ACTR3: variants seen among roughly 807,000 people sequenced by gnomAD.
ACTR3 encodes actin related protein 3.
In ACTR3, 12 loss-of-function variants were observed where a neutral mutation model predicts 56.8. The observed-to-expected ratio is 0.21, with a 90% CI of 0.14 to 0.34. ACTR3 has a LOEUF of 0.34. Among genes scored for constraint, ACTR3 ranks in the 10% least tolerant of loss-of-function variants. The pLI is 1.00. For synonymous variants in ACTR3, 162 were observed against 167.4 expected (o/e 0.97, Z 0.25); for missense variants, 282 against 512.5 (o/e 0.55, Z 4.34).
rs528144726 is a variant in ACTR3 at position 113,924,641 on chromosome 2, C to G, written c.226-2704C>G. Among the ~76,000 whole-genome samples the G allele has an allele frequency of 2.0e-5, 3 of 152,258 alleles. No homozygotes were observed. In the South Asian group the frequency reaches 6.2e-4, roughly 32 times the overall value. ...TTTGATCTAGAACTGGTATATCTCTCTACGCACCTTCAAATCTTTTGGCAC... is the reference window on the plus strand; with the variant it reads ...TTTGATCTAGAACTGGTATATCTCTGTACGCACCTTCAAATCTTTTGGCAC... On this transcript the variant is annotated intron_variant, in intron 3 of 11. Transcript: ENST00000263238.
intron 1 of ACTR3, among the ~76,000 whole-genome samples, chr2:113,892,168 T>C (rs1456176646): frequency 6.6e-6 from 1 of 152,230 alleles, no homozygotes; most frequent in African/African-American, 2.4e-5. Flanking sequence ...TTCGAATTAG[T>C]ATACAAGATG....
chr2:113,915,982 A>G (rs1343193811), intron 2 of ACTR3, among the ~76,000 whole-genome samples: 1 of 152,202 alleles, frequency 6.6e-6, no homozygotes, highest in Admixed American at 6.5e-5. Context: ...TTTTTTATAT[A>G]CATGCATATT....
chr2:113,926,546 C>T (rs1248773784), intron 3 of ACTR3, among the ~76,000 whole-genome samples: 12 of 152,168 alleles, frequency 7.9e-5, no homozygotes, highest in African/African-American at 2.4e-5. Flanking sequence ...CACATCTGAT[C>T]AACCTCTGGT....
chr2:113,903,791 G>T (rs1433889773), intron 1 of ACTR3, among the ~76,000 whole-genome samples: 2 of 151,708 alleles, frequency 1.3e-5, no homozygotes, highest in Non-Finnish European at 2.9e-5. Context: ...ACCCCGTCTG[G>T]CCTGTCACTA....
At chr2:113,891,446 A>G (rs1272191131) in intron 1 of ACTR3, among the ~76,000 whole-genome samples, 1 of 151,896 alleles carries the variant, frequency 6.6e-6, no homozygotes, top group Non-Finnish European at 1.5e-5. Flanking sequence ...TACCACACTC[A>G]TAACTGCATA....
At chr2:113,915,821 G>C (rs920080022) in intron 2 of ACTR3, among the ~76,000 whole-genome samples, 2 of 152,074 alleles carry the variant, frequency 1.3e-5, no homozygotes, top group African/African-American at 4.8e-5. Context: ...GCTGTAAGAA[G>C]GTTTTTGATT....
At chr2:113,890,581 C>G (rs1442205669) in intron 1 of ACTR3, 3 of 1,359,466 alleles carry the variant, frequency 2.2e-6, no homozygotes, top group Admixed American at 3.5e-5. Flanking sequence ...CGCGCGACCC[C>G]TCCCGGCCCT....
chr2:113,957,466 A>T lies in ACTR3; in HGVS notation c.*11A>T, dbSNP rs186497754. The T allele has an allele frequency of 6.2e-7, 1 of 1,607,700 alleles. No homozygotes were observed. The highest frequency in any genetic ancestry group is 1.7e-5 in the Admixed American group (1 of 59,926). ...GGAGTCATGTCGTAAAATTGGCTTC[A>T]TAGTTATTGGGGTTAGGGAGGTGGG... is the stretch of plus-strand genomic sequence containing the variant. On this transcript the variant is annotated 3_prime_UTR_variant, in exon 12 of 12. Transcript: ENST00000263238.
At chr2:113,942,428 G>A (rs1260516497) in intron 8 of ACTR3, 69 bp downstream of exon 8, 1 of 1,089,080 alleles carries the variant, frequency 9.2e-7, no homozygotes. Flanking sequence ...TATTCAGAGA[G>A]AATTAATCTC....
chr2:113,893,420 A>G (rs1341439940), intron 1 of ACTR3, among the ~76,000 whole-genome samples: 1 of 151,942 alleles, frequency 6.6e-6, no homozygotes, highest in Admixed American at 6.5e-5. Context: ...CAGCCTCCCG[A>G]GTAGCTGGGA....
chr2:113,953,112 A>G (rs1402799066), intron 10 of ACTR3: 2 of 152,212 alleles, frequency 1.3e-5, no homozygotes, highest in African/African-American at 4.8e-5. Flanking sequence ...TTAGTTTTTA[A>G]TAACTCATTA....
intron 3 of ACTR3, among the ~76,000 whole-genome samples, chr2:113,920,069 A>G (rs1383427999): frequency 2.0e-5 from 3 of 152,116 alleles, no homozygotes; most frequent in East Asian, 3.9e-4. Context: ...GATTACAGGC[A>G]TGTGCCACCA....
In ACTR3 at chr2:113,890,210, C is replaced by T. The variant is rs556667500; in HGVS notation, c.-70C>T. 2 of 1,547,022 alleles carry T rather than the reference C, an allele frequency of 1.3e-6. No homozygotes were observed. Among genetic ancestry groups the T allele is most frequent in the Non-Finnish European group, 1.7e-6 (2 of 1,142,978 alleles). ...GGATGGTCAGATAGCCCTTGTCTCC[C>T]GCCGCCAATCTCTGGCCCCTAGCAG... On this transcript the variant is annotated 5_prime_UTR_variant, in exon 1 of 12. Coordinates refer to ENST00000263238, the MANE Select transcript of ACTR3 (RefSeq NM_005721.5).
chr2:113,946,575 T>C (rs1282555426), intron 8 of ACTR3, among the ~76,000 whole-genome samples: 1 of 152,186 alleles, frequency 6.6e-6, no homozygotes, highest in Non-Finnish European at 1.5e-5. Flanking sequence ...TGTATATTTA[T>C]TTAAGTTCCT....
intron 7 of ACTR3, among the ~76,000 whole-genome samples, chr2:113,941,638 G>T (rs894417308): frequency 6.6e-5 from 10 of 152,062 alleles, no homozygotes; most frequent in African/African-American, 2.2e-4. Context: ...ATTTTTCAGT[G>T]TTTTTGATGA....
At chr2:113,897,074 A>G (rs1298625619) in intron 1 of ACTR3, among the ~76,000 whole-genome samples, 1 of 152,200 alleles carries the variant, frequency 6.6e-6, no homozygotes, top group African/African-American at 2.4e-5. Flanking sequence ...TTATGACACA[A>G]CCATAATCAG....
chr2:113,893,656 C>T (rs1031872104), intron 1 of ACTR3, among the ~76,000 whole-genome samples: 8 of 152,256 alleles, frequency 5.3e-5, no homozygotes, highest in Admixed American at 3.9e-4. Context: ...CAAATGAGGG[C>T]GCTCCTTATT....
Position 113,959,583 on chromosome 2 carries a change from C to T in ACTR3, c.*2128C>T, listed in dbSNP as rs953065089. 1.3e-5 allele frequency: 2 copies of T among 152,026 alleles called. No individual in the cohort carries two copies. The highest frequency in any genetic ancestry group is 2.9e-5 in the Non-Finnish European group (2 of 67,924). 9.4% of individuals were successfully genotyped at this position (152,026 alleles called of 1,614,324 possible). A position where few individuals can be genotyped will look rare whatever the true frequency, so the allele number is the denominator to read the frequency against. On this transcript the variant is annotated 3_prime_UTR_variant, in exon 12 of 12. Coordinates refer to ENST00000263238, the MANE Select transcript of ACTR3 (RefSeq NM_005721.5). ...CTTATTTGGGGAAACAAAACTCCAG[C>T]CCTTCTTGTGTATGTTCTGATATCC...
intron 1 of ACTR3, among the ~76,000 whole-genome samples, chr2:113,896,146 C>G (rs1679003759): frequency 6.6e-6 from 1 of 152,176 alleles, no homozygotes; most frequent in South Asian, 2.1e-4. Context: ...AGGAGTGAGC[C>G]ACCATGCCCA....
Sources: allele counts gnomAD v4.1 joint callset (sites outside exome capture counted in the v4.1 genomes callset), GRCh38; gene constraint gnomAD v4.1.1; transcripts MANE v1.5; gene names NCBI Gene and HGNC (gene_info 2026-07-23, HGNC 2026-07-21).